The following LAMA1 variants were observed in gnomAD, a reference collection of about 807,000 sequenced individuals.
LAMA1 encodes laminin subunit alpha 1.
In LAMA1, 219 loss-of-function variants were observed where a neutral mutation model predicts 348.7. The observed-to-expected ratio is 0.63, with a 90% CI of 0.56 to 0.70. LAMA1 has a LOEUF of 0.70. Among genes scored for constraint, LAMA1 ranks in the 30% least tolerant of loss-of-function variants. The pLI, the probability that LAMA1 is intolerant of heterozygous loss-of-function variation, is 0.00. For missense variants in LAMA1, 3,744 were observed against 3,888.0 expected, an observed-to-expected ratio of 0.96 and a Z score of 0.99; for synonymous variants, 1,487 against 1,491.0, an observed-to-expected ratio of 1.00 and a Z score of 0.06.
chr18:6,961,363 T>G (rs2057606279), intron 53 of LAMA1, among the ~76,000 whole-genome samples: 1 of 152,160 alleles, frequency 6.6e-6, no homozygotes, highest in Non-Finnish European at 1.5e-5. Flanking sequence ...AATAACTTTT[T>G]CCTCAGTCAC....
At chr18:7,096,208 CCA>C (rs2058260634) in intron 1 of LAMA1, among the ~76,000 whole-genome samples, 1 of 152,194 alleles carries the variant, frequency 6.6e-6, no homozygotes, top group Admixed American at 6.5e-5. Flanking sequence ...GGAATACTGC[CCA>C]CATTCCAGAG....
intron 5 of LAMA1, among the ~76,000 whole-genome samples, chr18:7,047,787 T>A (rs914889711): frequency 4.6e-5 from 7 of 151,964 alleles, no homozygotes; most frequent in African/African-American, 1.7e-4. Flanking sequence ...TAAAGCATTC[T>A]CAACAAATGG....
intron 29 of LAMA1, among the ~76,000 whole-genome samples, chr18:7,005,492 T>C (rs2057828074): frequency 6.6e-6 from 1 of 152,234 alleles, no homozygotes. Flanking sequence ...CTCATGCCTG[T>C]AATCCCAGCA....
rs763950638 is a variant in LAMA1 at position 7,008,471 on chromosome 18, G to A, written c.4122+17C>T. 1.1e-5 allele frequency: 17 copies of A among 1,613,388 alleles called. No homozygotes were observed. Among genetic ancestry groups the A allele is most frequent in the Middle Eastern group, 1.6e-4 (1 of 6,076 alleles). ...AACTCAAACCCAGGAAATAGATTTC[G>A]ACTAGAGTCTCCGTACCTGACATGA... On this transcript the variant is annotated intron_variant, in intron 28 of 62. Transcript: ENST00000389658.
intron 1 of LAMA1, among the ~76,000 whole-genome samples, chr18:7,082,681 C>A (rs971301339): frequency 2.6e-5 from 4 of 152,174 alleles, no homozygotes; most frequent in Non-Finnish European, 4.4e-5. Context: ...TGCTTTTAAA[C>A]TATAGCGTTT....
rs774904224 is a variant in LAMA1, at chr18:7,038,923, G to A, written c.1450C>T (p.Arg484Cys). 5 of 1,613,564 alleles carry A rather than the reference G, an allele frequency of 3.1e-6. No homozygotes were observed. In the South Asian group the frequency reaches 3.3e-5, roughly 11 times the overall value. The change falls in exon 11 of 63, where the codon CGC (arginine) becomes TGC (cysteine). Residue 484 changes from arginine to cysteine, a missense_variant. By Grantham distance (180) the Arg-to-Cys change is radical. Coordinates refer to ENST00000389658, the MANE Select transcript of LAMA1 (RefSeq NM_005559.4). Reference sequence around the variant, plus strand: ...AAGTTATAGAATCCTGGCTTGCAGCGATCACAGGCCTTCCCCTCAACGTTT... The same window carrying A: ...AAGTTATAGAATCCTGGCTTGCAGCAATCACAGGCCTTCCCCTCAACGTTT... Reference protein sequence around the residue: ...KENVEGKACDRCKPGFYNLKE... With the variant: ...KENVEGKACDCCKPGFYNLKE...
rs766253067 is a variant in LAMA1, at chr18:6,986,367, C to T, written c.5169-20G>A. Reference sequence around the variant, plus strand: ...GCAGCCCTGATAAATATGAATGGTTCACATAGTAAGTAAATGAACAACAAA... The same window carrying T: ...GCAGCCCTGATAAATATGAATGGTTTACATAGTAAGTAAATGAACAACAAA... On this transcript the variant is annotated intron_variant, in intron 36 of 62. Transcript: ENST00000389658. The T allele has an allele frequency of 6.2e-7, 1 of 1,608,844 alleles. No individual in the cohort carries two copies. The highest frequency in any genetic ancestry group is 2.2e-5 in the East Asian group (1 of 44,850).
chr18:7,014,250 T>C (rs184009355), intron 22 of LAMA1, among the ~76,000 whole-genome samples, 199 bp from the exon 23 acceptor site: 1 of 152,332 alleles, frequency 6.6e-6, no homozygotes, highest in Non-Finnish European at 1.5e-5. Context: ...CTGTGCATCT[T>C]AGTGGCACAT....
intron 24 of LAMA1, 29 bp from the exon 25 acceptor site, chr18:7,011,508 C>G (rs745568181): frequency 6.3e-7 from 1 of 1,576,696 alleles, no homozygotes; most frequent in East Asian, 2.3e-5. Flanking sequence ...GGAAAGTGCA[C>G]TTCAAAATGC....
chr18:7,045,530 T>G (rs2058038354), intron 6 of LAMA1, among the ~76,000 whole-genome samples: 1 of 152,150 alleles, frequency 6.6e-6, no homozygotes, highest in Non-Finnish European at 1.5e-5. Context: ...TTTAATGTAA[T>G]GCTAAAAGAG....
chr18:7,004,824 A>T, intron 29 of LAMA1, among the ~76,000 whole-genome samples: 1 of 152,232 alleles, frequency 6.6e-6, no homozygotes, highest in East Asian at 1.9e-4. Context: ...AAAGGATTTG[A>T]AAAACTGAGG....
At chr18:7,024,241 T>G in intron 18 of LAMA1, 139 bp downstream of exon 18, 1 of 670,228 alleles carries the variant, frequency 1.5e-6, no homozygotes, top group Non-Finnish European at 2.6e-6. Context: ...CATGAAATAC[T>G]GATTTTTCTC....
intron 3 of LAMA1, among the ~76,000 whole-genome samples, chr18:7,060,924 G>C (rs577252998): frequency 6.6e-6 from 1 of 152,304 alleles, no homozygotes; most frequent in East Asian, 1.9e-4. Context: ...GGGAGGCCAA[G>C]GTGGGCAGAC....
chr18:6,960,598 T>C (rs967461467), intron 53 of LAMA1: 1 of 150,746 alleles, frequency 6.6e-6, no homozygotes, highest in African/African-American at 2.5e-5. Context: ...CCTCGTAACA[T>C]TGTGAATGCA....
chr18:7,079,172 A>G (rs1347706294), intron 3 of LAMA1: 1 of 152,252 alleles, frequency 6.6e-6, no homozygotes. Flanking sequence ...GAGTTCTAAC[A>G]CAAGAGAAAC....
At chr18:6,996,232 T>C (rs1475665513) in intron 33 of LAMA1, among the ~76,000 whole-genome samples, 1 of 152,130 alleles carries the variant, frequency 6.6e-6, no homozygotes, top group Non-Finnish European at 1.5e-5. Flanking sequence ...CTAACCTTTC[T>C]GAACTACCAT....
intron 35 of LAMA1, 55 bp downstream of exon 35, chr18:6,993,586 G>A (rs1465286790): frequency 1.6e-6 from 2 of 1,225,694 alleles, no homozygotes; most frequent in Non-Finnish European, 2.4e-6. Context: ...TAAAGCAATG[G>A]TGACTTCTTA....
At position 7,050,922 on chromosome 18, in the gene LAMA1, T is replaced by G. The variant is rs1020061676; in HGVS notation, c.360A>C (p.Ala120=). 2 of 1,614,044 alleles carry G rather than the reference T, an allele frequency of 1.2e-6. No homozygotes were observed. Among genetic ancestry groups the G allele is most frequent in the East Asian group, 4.5e-5 (2 of 44,890 alleles). The change falls in exon 4 of 63, where the codon GCA becomes GCC. Residue 120 remains alanine, a synonymous_variant. Transcript: ENST00000389658. ...CATTGGCAGCTTTAATGATGACATA[T>G]GCAACTTGAAAGACCTGAAACAAAG... is the stretch of plus-strand genomic sequence containing the variant. The part of the protein sequence containing the change: ...TLDLRQVFQV[A]YVIIKAANAP...
chr18:7,021,833 A>ATATTAT lies in LAMA1; in HGVS notation c.2701+1330_2701+1331insATAATA, dbSNP rs199751950. Among the ~76,000 whole-genome samples, 71 of 65,910 alleles carry ATATTAT rather than the reference A, an allele frequency of 1.1e-3. 1 individual carries two copies. Among genetic ancestry groups the ATATTAT allele is most frequent in the African/African-American group, 5.6e-3 (69 of 12,290 alleles). 43.2% of individuals were successfully genotyped at this position (65,910 alleles called of 152,430 possible). On this transcript the variant is annotated intron_variant, in intron 19 of 62. Coordinates refer to ENST00000389658, the MANE Select transcript of LAMA1 (RefSeq NM_005559.4). ...TTATATAATATATATTATATAATAT[A>ATATTAT]ATAATATATTATATTATATTATATA...
Sources: allele counts gnomAD v4.1 joint callset (sites outside exome capture counted in the v4.1 genomes callset), GRCh38; gene constraint gnomAD v4.1.1; transcripts MANE v1.5; gene names NCBI Gene and HGNC (gene_info 2026-07-23, HGNC 2026-07-21).